The following ASTN1 variants were observed in gnomAD, a reference collection of about 807,000 sequenced individuals.
ASTN1 encodes the protein astrotactin-1.
In ASTN1, 41 loss-of-function variants were observed where a neutral mutation model predicts 140.7. The ratio of observed to expected loss-of-function variants is 0.29; its 90% CI spans 0.23 to 0.38. The LOEUF (loss-of-function observed/expected upper bound fraction) is 0.38. Among genes scored for constraint, ASTN1 ranks in the 10% least tolerant of loss-of-function variants. The probability of loss-of-function intolerance (pLI) is 1.00; values close to 1 mark genes in which losing one functional copy is unlikely to be tolerated. For missense variants in ASTN1, 1,479 were observed against 1,678.8 expected (o/e 0.88, Z 2.08); for synonymous variants, 640 against 652.2 (o/e 0.98, Z 0.29).
intron 1 of ASTN1, among the ~76,000 whole-genome samples, chr1:177,153,962 C>G (rs1361687238): frequency 6.6e-6 from 1 of 152,080 alleles, no homozygotes; most frequent in African/African-American, 2.4e-5. Context: ...TAGGAACCCT[C>G]AAATATTAAT....
chr1:176,878,315 T>A (rs942144977), intron 20 of ASTN1, among the ~76,000 whole-genome samples: 2 of 152,196 alleles, frequency 1.3e-5, no homozygotes, highest in African/African-American at 4.8e-5. Context: ...GGCCTCTGCC[T>A]CATCCCCTGT....
chr1:177,107,511 G>T (rs1680608021), intron 1 of ASTN1, among the ~76,000 whole-genome samples: 1 of 152,106 alleles, frequency 6.6e-6, no homozygotes, highest in African/African-American at 2.4e-5. Flanking sequence ...GAGGATGACT[G>T]GTATGGAATT....
intron 15 of ASTN1, 25 bp downstream of exon 15, chr1:176,936,241 C>G (rs1193099360): frequency 6.3e-7 from 1 of 1,595,684 alleles, no homozygotes; most frequent in Non-Finnish European, 8.6e-7. Flanking sequence ...GGAAGGTGGG[C>G]AGGATAGCCT....
intron 13 of ASTN1, among the ~76,000 whole-genome samples, chr1:176,944,906 C>T (rs1022635847): frequency 1.6e-4 from 25 of 152,182 alleles, no homozygotes; most frequent in African/African-American, 6.0e-4. Flanking sequence ...TTAGTAATGT[C>T]TCCTGTCTAC....
chr1:176,911,468 A>G (rs1417037006), intron 16 of ASTN1, among the ~76,000 whole-genome samples: 1 of 152,194 alleles, frequency 6.6e-6, no homozygotes, highest in Non-Finnish European at 1.5e-5. Context: ...CACAAATTGC[A>G]CAGCCATATG....
intron 7 of ASTN1, among the ~76,000 whole-genome samples, chr1:177,015,274 C>G (rs1353266360): frequency 6.6e-6 from 1 of 152,160 alleles, no homozygotes; most frequent in Non-Finnish European, 1.5e-5. Context: ...AATTATTTCA[C>G]CAAATATTTC....
At chr1:176,970,995 T>C (rs1160780964) in intron 8 of ASTN1, among the ~76,000 whole-genome samples, 1 of 152,194 alleles carries the variant, frequency 6.6e-6, no homozygotes, top group Non-Finnish European at 1.5e-5. Flanking sequence ...GGTAGAAGCA[T>C]GGTTTCCAAA....
intron 8 of ASTN1, among the ~76,000 whole-genome samples, chr1:177,003,895 T>C (rs1674863223): frequency 6.6e-6 from 1 of 152,018 alleles, no homozygotes. Context: ...TTGAAAGCAT[T>C]ATGCCTAAGA....
intron 16 of ASTN1, among the ~76,000 whole-genome samples, chr1:176,928,923 G>A (rs1285475707): frequency 6.6e-6 from 1 of 152,182 alleles, no homozygotes; most frequent in East Asian, 1.9e-4. Context: ...AGTTTCAAGT[G>A]GAGGACAAGA....
intron 1 of ASTN1, among the ~76,000 whole-genome samples, chr1:177,120,488 C>T (rs1049827588): frequency 1.3e-5 from 2 of 152,162 alleles, no homozygotes; most frequent in African/African-American, 4.8e-5. Context: ...AACTTACTTC[C>T]ACAATCAAAT....
chr1:177,104,688 A>T (rs1455014217), intron 1 of ASTN1, among the ~76,000 whole-genome samples: 2 of 152,248 alleles, frequency 1.3e-5, no homozygotes, highest in African/African-American at 4.8e-5. Context: ...CCTTCCCAGC[A>T]AAAGCAACTG....
At chr1:177,132,446 G>C (rs757619024) in intron 1 of ASTN1, among the ~76,000 whole-genome samples, 10 of 152,202 alleles carry the variant, frequency 6.6e-5, no homozygotes, top group Non-Finnish European at 1.3e-4. Context: ...TTGTGATTCT[G>C]CAGCTGAATT....
chr1:176,981,315 C>T (rs1673611409), intron 8 of ASTN1: 1 of 135,744 alleles, frequency 7.4e-6, no homozygotes, highest in African/African-American at 2.7e-5. Context: ...AGGAAAGAAA[C>T]AAGTAAGCAG....
At chr1:176,966,140 T>C (rs1672873762) in intron 8 of ASTN1, among the ~76,000 whole-genome samples, 1 of 152,204 alleles carries the variant, frequency 6.6e-6, no homozygotes, top group Non-Finnish European at 1.5e-5. Flanking sequence ...ACTTACAGTC[T>C]CATAATGAAC....
In ASTN1 at chr1:176,873,977, C is replaced by T. The variant is rs574206225; in HGVS notation, c.3463+2560G>A. On this transcript the variant is annotated intron_variant, in intron 21 of 22. Coordinates refer to ENST00000361833, the MANE Select transcript of ASTN1 (RefSeq NM_004319.3). ...CCACTCTTTATTCTAGAATTACTTT[C>T]TACCTATCCATCCCTGTAGGTAGCA... 2.0e-5 allele frequency among the ~76,000 whole-genome samples: 3 copies of T among 152,276 alleles called. No individual in the cohort carries two copies. The South Asian group carries it at 6.2e-4, about 32-fold the overall frequency.
intron 8 of ASTN1, among the ~76,000 whole-genome samples, chr1:177,008,996 G>T (rs1225375695): frequency 6.6e-6 from 1 of 152,126 alleles, no homozygotes; most frequent in Non-Finnish European, 1.5e-5. Flanking sequence ...CTAGAAATAG[G>T]CAAAGAGTCA....
intron 2 of ASTN1, among the ~76,000 whole-genome samples, chr1:177,035,488 C>T (rs1348817337): frequency 6.6e-6 from 1 of 152,144 alleles, no homozygotes; most frequent in Non-Finnish European, 1.5e-5. Flanking sequence ...CATAAACAAA[C>T]GACCTTTAGT....
chr1:176,919,534 C>T (rs370376062), intron 16 of ASTN1, among the ~76,000 whole-genome samples: 18 of 152,160 alleles, frequency 1.2e-4, no homozygotes, highest in African/African-American at 4.1e-4. Context: ...TTCTCCTCAT[C>T]CACCTTACCA....
chr1:177,105,801 C>T (rs17379781), intron 1 of ASTN1, among the ~76,000 whole-genome samples: 11,216 of 152,160 alleles, frequency 0.074, 503 homozygotes, highest in Middle Eastern at 0.23. Context: ...TAGGAGGTTG[C>T]TTCTATTTTC....
Sources: gnomAD v4.1 joint callset for allele counts (sites outside exome capture counted in the v4.1 genomes callset) on GRCh38, gnomAD v4.1.1 for gene constraint, MANE v1.5 for transcripts, NCBI Gene and HGNC (gene_info 2026-07-23, HGNC 2026-07-21) for gene names.